The following ARHGAP29 variants were observed in gnomAD, a reference collection of about 807,000 sequenced individuals.
ARHGAP29 encodes the protein Rho GTPase activating protein 29, also known as rho GTPase-activating protein 29.
In ARHGAP29, 43 loss-of-function variants were observed where a neutral mutation model predicts 122.6. The ratio of observed to expected loss-of-function variants is 0.35; its 90% CI spans 0.27 to 0.45. The LOEUF (loss-of-function observed/expected upper bound fraction) is 0.45. Among genes scored for constraint, ARHGAP29 ranks in the 20% least tolerant of loss-of-function variants. The pLI is 1.00. For synonymous variants in ARHGAP29, 506 were observed against 497.1 expected (o/e 1.02, Z -0.24); for missense variants, 1,303 against 1,477.2 (o/e 0.88, Z 1.93).
chr1:94,224,803 G>C (rs557788941), intron 2 of ARHGAP29, among the ~76,000 whole-genome samples: 1 of 152,058 alleles, frequency 6.6e-6, no homozygotes, highest in Non-Finnish European at 1.5e-5. Flanking sequence ...AATGGTCTAC[G>C]AACTTGCAAT....
intron 2 of ARHGAP29, among the ~76,000 whole-genome samples, chr1:94,225,746 T>C (rs1652579217): frequency 6.6e-6 from 1 of 152,076 alleles, no homozygotes; most frequent in Non-Finnish European, 1.5e-5. Context: ...AGTGGCCATA[T>C]TGTAAATGTA....
chr1:94,231,267 CA>C (rs1461893038), intron 2 of ARHGAP29, 139 bp downstream of exon 2: 1 of 667,888 alleles, frequency 1.5e-6, no homozygotes, highest in Non-Finnish European at 2.5e-6. Flanking sequence ...CTGTAACCAT[CA>C]AAGATTTGGG....
intron 1 of ARHGAP29, among the ~76,000 whole-genome samples, chr1:94,263,638 G>T (rs1654645625): frequency 6.6e-6 from 1 of 151,988 alleles, no homozygotes; most frequent in Admixed American, 6.6e-5. Flanking sequence ...TAGAAAATTG[G>T]TTAGAATTCT....
rs1417237996 is a variant in ARHGAP29 at position 94,196,396 on chromosome 1, G to T, written c.1281+5324C>A. Among the ~76,000 whole-genome samples the T allele has an allele frequency of 2.0e-5, 3 of 149,924 alleles. No individual in the cohort carries two copies. In the East Asian group the frequency reaches 5.8e-4, roughly 29 times the overall value. ...CCTGCCTCAGCCTCCCGAGTAGCTG[G>T]GACTACAGGCGCCCGCTACCACGCC... On this transcript the variant is annotated intron_variant, in intron 12 of 22. Coordinates refer to ENST00000260526, the MANE Select transcript of ARHGAP29 (RefSeq NM_004815.4).
intron 12 of ARHGAP29, among the ~76,000 whole-genome samples, chr1:94,198,068 AG>A (rs1315861591): frequency 6.6e-6 from 1 of 152,246 alleles, no homozygotes; most frequent in Non-Finnish European, 1.5e-5. Context: ...CAGGTAACAT[AG>A]TTTTCTATGT....
intron 3 of ARHGAP29, among the ~76,000 whole-genome samples, chr1:94,215,334 A>G (rs528416298): frequency 6.6e-6 from 1 of 151,776 alleles, no homozygotes; most frequent in Non-Finnish European, 1.5e-5. Context: ...CAAAAAAAAA[A>G]CCAGTAGATA....
At chr1:94,200,975 T>C (rs1027758815) in intron 12 of ARHGAP29, among the ~76,000 whole-genome samples, 3 of 152,194 alleles carry the variant, frequency 2.0e-5, no homozygotes, top group African/African-American at 4.8e-5. Flanking sequence ...TTACACAAAT[T>C]TGTAACTGTT....
At chr1:94,291,981 G>A in the ARHGAP29 span, among the ~76,000 whole-genome samples, 15 of 152,250 alleles carry the variant, frequency 9.9e-5, no homozygotes, top group African/African-American at 2.2e-4. Context: ...CGTATTTCCC[G>A]AATTTGAATT....
At chr1:94,293,103 T>C in the ARHGAP29 span, among the ~76,000 whole-genome samples, 4 of 152,246 alleles carry the variant, frequency 2.6e-5, no homozygotes, top group African/African-American at 9.6e-5. Flanking sequence ...TGCTGAGCTG[T>C]GGTGGGCTCC....
chr1:94,232,921 A>T (rs1402580264), intron 1 of ARHGAP29, among the ~76,000 whole-genome samples: 1 of 151,756 alleles, frequency 6.6e-6, no homozygotes, highest in African/African-American at 2.4e-5. Context: ...TTTACAGTAG[A>T]AAGTTTTTTG....
chr1:94,177,558 T>C lies in ARHGAP29; in HGVS notation c.2905+54A>G, dbSNP rs77280215. ...CTCACCTTGGTTTTAATCACGGTTC[T>C]ACTGGTAAAATTTTAAGCCAGCAAA... On this transcript the variant is annotated intron_variant, in intron 22 of 22. Coordinates refer to ENST00000260526, the MANE Select transcript of ARHGAP29 (RefSeq NM_004815.4). The C allele has an allele frequency of 1.8e-3, 2,490 of 1,412,676 alleles. 9 individuals carry two copies. The highest frequency in any genetic ancestry group is 2.2e-3 in the Non-Finnish European group (2,267 of 1,021,794). 87.5% of individuals were successfully genotyped at this position (1,412,676 alleles called of 1,614,324 possible).
rs773137384 is a variant in ARHGAP29, at chr1:94,231,399, T to G, written c.205+8A>C. 2.5e-6 allele frequency: 4 copies of G among 1,609,010 alleles called. No individual in the cohort carries two copies. The highest frequency in any genetic ancestry group is 1.7e-5 in the Admixed American group (1 of 59,836). ...TCCAGCAAGAATGCTAATAGAAAAG[T>G]GACAAACCTGAAAATATGGCTTCTT... is the stretch of plus-strand genomic sequence containing the variant. On this transcript the variant is annotated splice_region_variant and intron_variant, in intron 2 of 22. Transcript: ENST00000260526.
intron 2 of ARHGAP29, among the ~76,000 whole-genome samples, chr1:94,225,488 A>C (rs193025021): frequency 3.5e-4 from 54 of 152,234 alleles, no homozygotes; most frequent in Non-Finnish European, 5.9e-4. Flanking sequence ...CTTTGAAAAC[A>C]GATTTGCCTC....
intron 5 of ARHGAP29, among the ~76,000 whole-genome samples, chr1:94,208,613 C>G (rs1651371111): frequency 6.6e-6 from 1 of 151,986 alleles, no homozygotes; most frequent in African/African-American, 2.4e-5. Flanking sequence ...GTGCCCACCA[C>G]CATGCCCAGC....
chr1:94,260,863 A>G (rs1184955815), intron 1 of ARHGAP29, among the ~76,000 whole-genome samples: 1 of 152,188 alleles, frequency 6.6e-6, no homozygotes, highest in Non-Finnish European at 1.5e-5. Context: ...GGATAACTCA[A>G]ACTGCATTGT....
chr1:94,209,182 T>C (rs1034416286), intron 4 of ARHGAP29, 72 bp downstream of exon 4: 2 of 1,114,922 alleles, frequency 1.8e-6, no homozygotes, highest in African/African-American at 3.1e-5. Context: ...CCATGTATGT[T>C]ACTGGATAAT....
intron 12 of ARHGAP29, among the ~76,000 whole-genome samples, chr1:94,197,854 A>G (rs989521610): frequency 1.6e-4 from 25 of 152,208 alleles, no homozygotes; most frequent in Admixed American, 1.3e-3. Flanking sequence ...ACCAGATAAA[A>G]GGCACCTTCA....
Position 94,174,745 on chromosome 1 carries a change from T to C in ARHGAP29, c.2910A>G (p.Lys970=). The stretch of plus-strand genomic sequence containing the variant: ...CCTCTTGGTCTAGAAGCAACTGTGC[T>C]TTGTCTGAAAATGAAAGAAATCTAT... The part of the protein sequence containing the change: ...LGKCDACLSD[K]AQLLLDQEAE... Residue 970 remains lysine, a synonymous_variant, in exon 23 of 23, where the codon AAA becomes AAG. Coordinates refer to ENST00000260526, the MANE Select transcript of ARHGAP29 (RefSeq NM_004815.4). 1 of 1,610,532 alleles carries C rather than the reference T, an allele frequency of 6.2e-7. No homozygotes were observed. Among genetic ancestry groups the C allele is most frequent in the Non-Finnish European group, 8.5e-7 (1 of 1,178,670 alleles).
intron 1 of ARHGAP29, among the ~76,000 whole-genome samples, chr1:94,232,900 C>A (rs1475868006): frequency 6.7e-6 from 1 of 149,362 alleles, no homozygotes; most frequent in Non-Finnish European, 1.5e-5. Context: ...TGACTAAGGA[C>A]TTCTATAAAA....
Sources: gnomAD v4.1 joint callset for allele counts (sites outside exome capture counted in the v4.1 genomes callset) on GRCh38, gnomAD v4.1.1 for gene constraint, MANE v1.5 for transcripts, NCBI Gene and HGNC (gene_info 2026-07-23, HGNC 2026-07-21) for gene names.